The following NIN variants were observed in gnomAD, a reference collection of about 807,000 sequenced individuals.
NIN encodes glycogen synthase kinase 3 beta-interacting protein.
A neutral mutation model predicts 257.6 loss-of-function variants in NIN; 137 were observed. That is an observed-to-expected ratio of 0.53 (90% confidence interval 0.46 to 0.61). The LOEUF is 0.61. Among genes scored for constraint, NIN ranks in the 20% least tolerant of loss-of-function variants. NIN has a pLI of 0.00. For missense variants in NIN, 2,439 were observed against 2,501.2 expected, an observed-to-expected ratio of 0.98 and a Z score of 0.53; for synonymous variants, 918 against 919.8, an observed-to-expected ratio of 1.00 and a Z score of 0.04.
chr14:50,757,423 G>A lies in NIN; in HGVS notation c.3607C>T (p.Leu1203Phe). Reference sequence around the variant, plus strand: ...CATAACATCATTAGCTGTTCCTGAAGCTGACTAATCTGATTCTTCAGCTCC... The same window carrying A: ...CATAACATCATTAGCTGTTCCTGAAACTGACTAATCTGATTCTTCAGCTCC... ...SWELKNQISQLQEQLMMLCAD... is the reference protein window; with the variant it reads ...SWELKNQISQFQEQLMMLCAD... The change falls in exon 18 of 31, where the codon CTT (leucine) becomes TTT (phenylalanine). Residue 1203 changes from leucine to phenylalanine, a missense_variant. Leu to Phe is a conservative substitution (Grantham distance 22). Around this residue, in one of 3 missense-constraint regions of NIN, gnomAD observed 2,043 missense variants for 2,050.2 expected, o/e 1.00. Coordinates refer to ENST00000530997, the MANE Select transcript of NIN (RefSeq NM_020921.4). The A allele has an allele frequency of 6.2e-7, 1 of 1,614,140 alleles. No homozygotes were observed. The highest frequency in any genetic ancestry group is 8.5e-7 in the Non-Finnish European group (1 of 1,180,032).
intron 14 of NIN, among the ~76,000 whole-genome samples, chr14:50,765,063 TAAAAAAAAAAAAAAAAA>T (rs781699626): frequency 1.2e-5 from 1 of 82,072 alleles, no homozygotes; most frequent in South Asian, 4.6e-4. Context: ...TGTCTCTACT[TAAAAAAAAAAAAAAAAA>T]AAAAAAAAAA....
At chr14:50,793,877 T>C (rs2043712735) in intron 4 of NIN, among the ~76,000 whole-genome samples, 1 of 152,244 alleles carries the variant, frequency 6.6e-6, no homozygotes, top group South Asian at 2.1e-4. Flanking sequence ...CAGAATAAAA[T>C]GTTTCATTAA....
At chr14:50,744,142 A>T in intron 23 of NIN, 101 bp downstream of exon 23, 1 of 1,310,576 alleles carries the variant, frequency 7.6e-7, no homozygotes, top group Non-Finnish European at 1.1e-6. Flanking sequence ...CTCTGGAACA[A>T]CAGACTACCA....
chr14:50,754,300 A>G (rs1291415963), intron 20 of NIN, among the ~76,000 whole-genome samples: 1 of 152,210 alleles, frequency 6.6e-6, no homozygotes, highest in Non-Finnish European at 1.5e-5. Context: ...ATGGTTTTAG[A>G]GGTATCACCT....
rs1350434456 is a variant in NIN, at chr14:50,823,032, T to C, written c.-21-955A>G. 1.1e-5 allele frequency: 4 copies of C among 377,860 alleles called. No individual in the cohort carries two copies. The East Asian group carries it at 2.4e-4, about 23-fold the overall frequency. 23.4% of individuals were successfully genotyped at this position (377,860 alleles called of 1,614,324 possible). A position where few individuals can be genotyped will look rare whatever the true frequency, so the allele number is the denominator to read the frequency against. ...TCTCTCACCTACCCATACTCCAGGCTTTCCATTTTGCCACTGTCCTTAGGA... is the reference window on the plus strand; with the variant it reads ...TCTCTCACCTACCCATACTCCAGGCCTTCCATTTTGCCACTGTCCTTAGGA... On this transcript the variant is annotated intron_variant, in intron 2 of 30. Coordinates refer to ENST00000530997, the MANE Select transcript of NIN (RefSeq NM_020921.4).
chr14:50,763,713 CTT>C lies in NIN; in HGVS notation c.1774+111_1774+112del, dbSNP rs5808571. 0.52 allele frequency: 348,686 copies of C among 670,228 alleles called. 63,941 individuals carry two copies. Among genetic ancestry groups the C allele is most frequent in the East Asian group, 0.68 (22,517 of 33,272 alleles). The allele number at this position is 670,228 out of a possible 1,614,324, so 41.5% of individuals were successfully genotyped here. On this transcript the variant is annotated intron_variant, in intron 15 of 30. Transcript: ENST00000530997. ...CTCAAGAAAAGAGTATGGCCAAATTCTTTTTTTTTTTTTTCTTTTTTCAAGTT... is the reference window on the plus strand; with the variant it reads ...CTCAAGAAAAGAGTATGGCCAAATTCTTTTTTTTTTTTCTTTTTTCAAGTT...
At chr14:50,728,334 T>G (rs142589336) in intron 29 of NIN, among the ~76,000 whole-genome samples, 13 of 152,190 alleles carry the variant, frequency 8.5e-5, no homozygotes, top group African/African-American at 2.9e-4. Flanking sequence ...TGAAGAGGTA[T>G]GTATAAAGCT....
chr14:50,778,025 A>G lies in NIN; in HGVS notation c.475+740T>C, dbSNP rs568959639. Among the ~76,000 whole-genome samples the G allele has an allele frequency of 3.9e-5, 6 of 152,330 alleles. No individual in the cohort carries two copies. In the South Asian group the frequency reaches 1.2e-3, roughly 32 times the overall value. On this transcript the variant is annotated intron_variant, in intron 6 of 30. Coordinates refer to ENST00000530997, the MANE Select transcript of NIN (RefSeq NM_020921.4). ...ACAGGTTGTAATTACACTTAAGTAC[A>G]GTTAATCCACAGAGGGCTGTGAAGT...
intron 29 of NIN, chr14:50,727,511 T>C (rs1241010243): frequency 8.3e-6 from 10 of 1,206,814 alleles, no homozygotes; most frequent in Non-Finnish European, 1.0e-5. Flanking sequence ...CATTTCTACA[T>C]AAATAAATAA....
In NIN at chr14:50,811,176, T is replaced by A. The variant is rs1280715712; in HGVS notation, c.184-4358A>T. On this transcript the variant is annotated intron_variant, in intron 3 of 30. Coordinates refer to ENST00000530997, the MANE Select transcript of NIN (RefSeq NM_020921.4). ...CAGGCTGGAGTGCAGTGGCGCAATC[T>A]TGGCTCACTGCAACCTCCACCTCCC... Among the ~76,000 whole-genome samples the A allele has an allele frequency of 2.0e-5, 3 of 151,280 alleles. No individual in the cohort carries two copies. The East Asian group carries it at 5.9e-4, about 30-fold the overall frequency.
rs2042948815 is a variant in NIN, at chr14:50,777,012, G to A, written c.603C>T (p.His201=). Reference sequence around the variant, plus strand: ...TGGAGACCAGCTTCTTCCGGTTCAGGTGACCATCACGGGTGATCCCCAAAT... The same window carrying A: ...TGGAGACCAGCTTCTTCCGGTTCAGATGACCATCACGGGTGATCCCCAAAT... ...CEDLGITRDG[H]LNRKKLVSIC... Residue 201 remains histidine (H), a synonymous_variant, in exon 7 of 31, where the codon CAC becomes CAT. Transcript: ENST00000530997. 6.2e-7 allele frequency: 1 copy of A among 1,614,206 alleles called. No homozygotes were observed. Among genetic ancestry groups the A allele is most frequent in the Non-Finnish European group, 8.5e-7 (1 of 1,180,034 alleles).
In NIN at chr14:50,754,598, C is replaced by T; in HGVS notation, c.4699G>A (p.Ala1567Thr). ...KTETVKQENA[A>T]VQKMVENLKK... ...AAATTTTCAACCATCTTCTGAACTGCAGCATTTTCTTGTTTTACAGTTTCC... is the reference window on the plus strand; with the variant it reads ...AAATTTTCAACCATCTTCTGAACTGTAGCATTTTCTTGTTTTACAGTTTCC... The change falls in exon 20 of 31, where the codon GCA (alanine) becomes ACA (threonine). Residue 1567 changes from alanine (A) to threonine (T), a missense_variant. Physicochemically the swap from Ala to Thr is moderately conservative, Grantham distance 58 (BLOSUM62 0). This residue lies in a region of NIN where 2,043 missense variants were observed against 2,050.2 expected (regional missense o/e 1.00). Coordinates refer to ENST00000530997, the MANE Select transcript of NIN (RefSeq NM_020921.4). 1 of 1,611,004 alleles carries T rather than the reference C, an allele frequency of 6.2e-7. No homozygotes were observed. Among genetic ancestry groups the T allele is most frequent in the Admixed American group, 1.7e-5 (1 of 59,686 alleles).
chr14:50,775,476 G>C (rs146572913), intron 7 of NIN, among the ~76,000 whole-genome samples: 8 of 152,222 alleles, frequency 5.3e-5, no homozygotes, highest in Non-Finnish European at 1.0e-4. Context: ...TAAAATTTTA[G>C]GATTCCAAGT....
In NIN at chr14:50,757,285, T is replaced by C; in HGVS notation, c.3745A>G (p.Lys1249Glu). Residue 1249 changes from lysine (K) to glutamate (E), a missense_variant, in exon 18 of 31, where the codon AAG becomes GAG. Around this residue, in one of 3 missense-constraint regions of NIN, gnomAD observed 2,043 missense variants for 2,050.2 expected, o/e 1.00. Transcript: ENST00000530997. ...CGGCTCACATCTTCATACAACAGCTTATATTTGGGAGAAGCCTCAGGGATT... is the reference window on the plus strand; with the variant it reads ...CGGCTCACATCTTCATACAACAGCTCATATTTGGGAGAAGCCTCAGGGATT... Reference protein sequence around the residue: ...ERIPEASPKYKLLYEDVSREN... With the variant: ...ERIPEASPKYELLYEDVSREN... 6.2e-7 allele frequency: 1 copy of C among 1,614,156 alleles called. No individual in the cohort carries two copies. Among genetic ancestry groups the C allele is most frequent in the Non-Finnish European group, 8.5e-7 (1 of 1,180,028 alleles).
At position 50,770,794 on chromosome 14, in the gene NIN, C is replaced by T. The variant is rs1357763209; in HGVS notation, c.1259+58G>A. On this transcript the variant is annotated intron_variant, in intron 11 of 30. Coordinates refer to ENST00000530997, the MANE Select transcript of NIN (RefSeq NM_020921.4). The stretch of plus-strand genomic sequence containing the variant: ...ACTGTTCTGCCCCTGCAGCTGCAGG[C>T]GCCACTGCCCTGGGCCAGGGTGGTG... 41 of 1,550,694 alleles carry T rather than the reference C, an allele frequency of 2.6e-5. 2 individuals carry two copies. In the South Asian group the frequency reaches 2.8e-4, roughly 11 times the overall value.
chr14:50,751,019 T>C (rs1416399907), intron 21 of NIN, among the ~76,000 whole-genome samples: 1 of 152,358 alleles, frequency 6.6e-6, no homozygotes, highest in African/African-American at 2.4e-5. Context: ...ATTCTATAGA[T>C]ACTTCTTTGC....
Position 50,763,763 on chromosome 14 carries a change from T to C in NIN, c.1774+63A>G, listed in dbSNP as rs189974565. On this transcript the variant is annotated intron_variant, in intron 15 of 30. Coordinates refer to ENST00000530997, the MANE Select transcript of NIN (RefSeq NM_020921.4). ...GTTGCCAAAGCTTTGCAATTTTATATTGAACCACGTTTCTAAAAACAAGAG... is the reference window on the plus strand; with the variant it reads ...GTTGCCAAAGCTTTGCAATTTTATACTGAACCACGTTTCTAAAAACAAGAG... The C allele has an allele frequency of 4.8e-6, 7 of 1,459,006 alleles. No homozygotes were observed. The Admixed American group carries it at 7.7e-5, about 16-fold the overall frequency. The allele number at this position is 1,459,006 out of a possible 1,614,324, so 90.4% of individuals were successfully genotyped here.
At chr14:50,828,558 A>G (rs1179766363) in intron 2 of NIN, among the ~76,000 whole-genome samples, 2 of 152,340 alleles carry the variant, frequency 1.3e-5, no homozygotes, top group East Asian at 3.9e-4. Flanking sequence ...ATGAATTGGC[A>G]TCTATAAAAA....
At chr14:50,726,472 T>C (rs998808730) in intron 29 of NIN, 1 of 162,096 alleles carries the variant, frequency 6.2e-6, no homozygotes, top group Non-Finnish European at 1.3e-5. Flanking sequence ...AAGCACTGAA[T>C]ATATTCAGGG....
Sources: gnomAD v4.1 joint callset for allele counts (sites outside exome capture counted in the v4.1 genomes callset) on GRCh38, gnomAD v4.1.1 for gene constraint, gnomAD v4.1.1 regional missense constraint, MANE v1.5 for transcripts, NCBI Gene and HGNC (gene_info 2026-07-23, HGNC 2026-07-21) for gene names.